The following DHX30 variants were observed in gnomAD, a reference collection of about 807,000 sequenced individuals.
DHX30 encodes the protein DExH-box helicase 30, also known as ATP-dependent RNA helicase DHX30.
Under a neutral mutation model 116.9 loss-of-function variants are expected in DHX30, and 4 were observed. The ratio of observed to expected loss-of-function variants is 0.03; its 90% CI spans 0.02 to 0.08. The LOEUF (loss-of-function observed/expected upper bound fraction) is 0.08. Among genes scored for constraint, DHX30 ranks in the 10% least tolerant of loss-of-function variants. The pLI is 1.00. For missense variants in DHX30, 871 were observed against 1,595.1 expected (o/e 0.55, Z 7.73); for synonymous variants, 697 against 651.7 (o/e 1.07, Z -1.06).
At chr3:47,812,957 CAGG>C (rs1559688001) in intron 3 of DHX30, among the ~76,000 whole-genome samples, 1 of 151,508 alleles carries the variant, frequency 6.6e-6, no homozygotes, top group Non-Finnish European at 1.5e-5. Context: ...GAGCCACCAG[CAGG>C]AGATTACATT....
At chr3:47,829,001 G>A in intron 5 of DHX30, 23 bp from the exon 6 acceptor site, 2 of 1,513,132 alleles carry the variant, frequency 1.3e-6, no homozygotes, top group Non-Finnish European at 9.1e-7. Context: ...CAAGACTTCT[G>A]ATTTCTCTCT....
chr3:47,818,967 A>T (rs2036174923), intron 4 of DHX30, among the ~76,000 whole-genome samples: 1 of 152,030 alleles, frequency 6.6e-6, no homozygotes, highest in South Asian at 2.1e-4. Flanking sequence ...TCTGTCTGTA[A>T]AGTGCTTTGA....
intron 6 of DHX30, among the ~76,000 whole-genome samples, chr3:47,832,266 C>T (rs547772687): frequency 3.9e-5 from 6 of 152,078 alleles, no homozygotes; most frequent in Non-Finnish European, 8.8e-5. Context: ...CCATGCATTT[C>T]GTCCTCAGCC....
At chr3:47,827,290 C>T (rs2036593327) in intron 4 of DHX30, 57 bp from the exon 5 acceptor site, 1 of 1,543,196 alleles carries the variant, frequency 6.5e-7, no homozygotes, top group Non-Finnish European at 8.7e-7. Flanking sequence ...ATACACACCC[C>T]ATGGAGTTTT....
In DHX30 at chr3:47,843,106, A is replaced by G; in HGVS notation, c.790A>G (p.Asn264Asp). The part of the protein sequence containing the change: ...QIATSSSTAK[N>D]LMQFHTVGTK... ...ACCATCTCTCTTGCCTTCCATGTAG[A>G]ACCTCATGCAGTTCCATACTGTGGG... Residue 264 changes from asparagine to aspartate, a missense_variant and splice_region_variant, in exon 9 of 22, where the codon AAC becomes GAC. By Grantham distance (23) the Asn-to-Asp change is conservative. This residue lies in a region of DHX30 where 175 missense variants were observed against 292.9 expected (regional missense o/e 0.60). Coordinates refer to ENST00000445061, the MANE Select transcript of DHX30 (RefSeq NM_138615.3). The G allele has an allele frequency of 3.1e-6, 5 of 1,614,138 alleles. No individual in the cohort carries two copies. Among genetic ancestry groups the G allele is most frequent in the Non-Finnish European group, 4.2e-6 (5 of 1,179,988 alleles).
rs1005238512 is a variant in DHX30 at position 47,803,217 on chromosome 3, A to G, written c.-123+5A>G. On this transcript the variant is annotated splice_donor_5th_base_variant and intron_variant, in intron 1 of 21. Coordinates refer to ENST00000445061, the MANE Select transcript of DHX30 (RefSeq NM_138615.3). The stretch of plus-strand genomic sequence containing the variant: ...GTTTCACATCTGTAACAACAGGTGA[A>G]TTGGGCTTTTTATTCTCCCCTTTCG... The G allele has an allele frequency of 1.0e-5, 4 of 392,922 alleles. No individual in the cohort carries two copies. The highest frequency in any genetic ancestry group is 1.8e-5 in the Non-Finnish European group (4 of 222,320). 24.3% of individuals were successfully genotyped at this position (392,922 alleles called of 1,614,324 possible). A position where few individuals can be genotyped will look rare whatever the true frequency, so the allele number is the denominator to read the frequency against.
intron 6 of DHX30, among the ~76,000 whole-genome samples, chr3:47,835,797 CTTCT>C (rs769447803): frequency 3.7e-4 from 56 of 152,158 alleles, no homozygotes; most frequent in Non-Finnish European, 6.5e-4. Context: ...GATAATTTTA[CTTCT>C]TTCTTTCCAG....
chr3:47,823,363 T>G (rs1036567631), intron 4 of DHX30, among the ~76,000 whole-genome samples: 4 of 150,378 alleles, frequency 2.7e-5, no homozygotes, highest in African/African-American at 4.9e-5. Context: ...TGTTGTTTTT[T>G]TTTTTTTTTT....
intron 6 of DHX30, among the ~76,000 whole-genome samples, chr3:47,839,228 A>G (rs1433375629): frequency 6.7e-6 from 1 of 149,982 alleles, no homozygotes. Context: ...TAGCTTTAAC[A>G]TTTCAAGTTA....
chr3:47,814,992 G>C (rs895051766), intron 3 of DHX30, among the ~76,000 whole-genome samples: 10 of 151,542 alleles, frequency 6.6e-5, no homozygotes, highest in African/African-American at 1.2e-4. Context: ...CCAAAGTGTT[G>C]GGACTACAGG....
chr3:47,819,772 C>T (rs758049375), intron 4 of DHX30, among the ~76,000 whole-genome samples: 17 of 152,182 alleles, frequency 1.1e-4, no homozygotes, highest in Non-Finnish European at 2.1e-4. Context: ...CACCTCCCTA[C>T]CTCCTTGACC....
chr3:47,832,597 A>G (rs184901679), intron 6 of DHX30, among the ~76,000 whole-genome samples: 1 of 150,616 alleles, frequency 6.6e-6, no homozygotes, highest in Admixed American at 6.6e-5. Flanking sequence ...TCAACCATGG[A>G]TGATTTTGTT....
At chr3:47,830,991 G>C (rs906416239) in intron 6 of DHX30, 1 of 152,040 alleles carries the variant, frequency 6.6e-6, no homozygotes, top group Non-Finnish European at 1.5e-5. Context: ...GGATTTTACT[G>C]TTCCTTTCTC....
At chr3:47,822,508 C>T (rs1456941346) in intron 4 of DHX30, among the ~76,000 whole-genome samples, 4 of 152,150 alleles carry the variant, frequency 2.6e-5, no homozygotes, top group South Asian at 2.1e-4. Flanking sequence ...TTTTCCCAGC[C>T]GGGTGTGTTA....
In DHX30 at chr3:47,829,287, G is replaced by GATATAT. The variant is rs1189388149; in HGVS notation, c.366+176_366+181dup. ...TCCTTTCTTACTGTTCAGCCAATGA[G>GATATAT]ATATATATATATATATATATATATA... On this transcript the variant is annotated intron_variant, in intron 6 of 21. Coordinates refer to ENST00000445061, the MANE Select transcript of DHX30 (RefSeq NM_138615.3). 2.2e-3 allele frequency among the ~76,000 whole-genome samples: 78 copies of GATATAT among 35,842 alleles called. 2 individuals carry two copies. Among genetic ancestry groups the GATATAT allele is most frequent in the African/African-American group, 7.4e-3 (49 of 6,620 alleles). 23.5% of individuals were successfully genotyped at this position (35,842 alleles called of 152,430 possible). A position where few individuals can be genotyped will look rare whatever the true frequency, so the allele number is the denominator to read the frequency against.
At position 47,834,588 on chromosome 3, in the gene DHX30, A is replaced by G. The variant is rs371232174; in HGVS notation, c.366+5454A>G. 4.7e-4 allele frequency among the ~76,000 whole-genome samples: 70 copies of G among 150,150 alleles called. No homozygotes were observed. The Middle Eastern group carries it at 0.01, about 22-fold the overall frequency. On this transcript the variant is annotated intron_variant, in intron 6 of 21. Transcript: ENST00000445061. ...GGGCTCAAGAGATCCTCCCACCTCA[A>G]CCTCTGGAGTAACTGAGACTGCAGG...
chr3:47,833,866 GA>G (rs1257723295), intron 6 of DHX30, among the ~76,000 whole-genome samples: 11 of 151,170 alleles, frequency 7.3e-5, no homozygotes, highest in Non-Finnish European at 8.8e-5. Context: ...CTCCAAAAAA[GA>G]AAAAAAATGT....
chr3:47,843,330 C>G, intron 9 of DHX30, 75 bp downstream of exon 9: 1 of 1,579,972 alleles, frequency 6.3e-7, no homozygotes, highest in Non-Finnish European at 8.6e-7. Context: ...CAAATGGGTC[C>G]CATTTTCTAG....
rs1301400914 is a variant in DHX30, at chr3:47,846,231, G to A, written c.1159G>A (p.Gly387Ser). ...RLQSDDILPL[G>S]KDSGPLSDPI... is the part of the protein sequence containing the mutation. The stretch of plus-strand genomic sequence containing the variant: ...GCAGAGTGATGACATCTTGCCCTTG[G>A]GCAAGGACTCAGGGCCTCTGAGTGA... Residue 387 changes from glycine to serine, a missense_variant, in exon 11 of 22, where the codon GGC (glycine) becomes AGC (serine). Coordinates refer to ENST00000445061, the MANE Select transcript of DHX30 (RefSeq NM_138615.3). The A allele has an allele frequency of 6.2e-7, 1 of 1,614,182 alleles. No homozygotes were observed. Among genetic ancestry groups the A allele is most frequent in the East Asian group, 2.2e-5 (1 of 44,888 alleles).
Sources: gnomAD v4.1 joint callset for allele counts (sites outside exome capture counted in the v4.1 genomes callset) on GRCh38, gnomAD v4.1.1 for gene constraint, gnomAD v4.1.1 regional missense constraint, MANE v1.5 for transcripts, NCBI Gene and HGNC (gene_info 2026-07-23, HGNC 2026-07-21) for gene names.